Variants in SPHKAP observed in about 807,000 individuals in gnomAD.
SPHKAP encodes the protein A-kinase anchor protein SPHKAP.
Under a neutral mutation model 137.5 loss-of-function variants are expected in SPHKAP, and 67 were observed. The ratio of observed to expected loss-of-function variants is 0.49; its 90% CI spans 0.40 to 0.60. The LOEUF (loss-of-function observed/expected upper bound fraction) is 0.60. Among genes scored for constraint, SPHKAP ranks in the 20% least tolerant of loss-of-function variants. The probability of loss-of-function intolerance (pLI) is 0.00; values close to 1 mark genes in which losing one functional copy is unlikely to be tolerated. For missense variants in SPHKAP, 2,097 were observed against 2,069.3 expected, an observed-to-expected ratio of 1.01 and a Z score of -0.26; for synonymous variants, 813 against 785.3, an observed-to-expected ratio of 1.04 and a Z score of -0.59.
chr2:228,122,386 A>C (rs569795193), intron 2 of SPHKAP, among the ~76,000 whole-genome samples: 1 of 152,290 alleles, frequency 6.6e-6, no homozygotes, highest in South Asian at 2.1e-4. Flanking sequence ...AGCTATAGAG[A>C]ACAGAACAAG....
intron 3 of SPHKAP, among the ~76,000 whole-genome samples, chr2:228,046,960 A>G (rs1407792481): frequency 1.3e-5 from 2 of 152,206 alleles, no homozygotes; most frequent in African/African-American, 2.4e-5. Flanking sequence ...CCCACTTGAA[A>G]GCAGAATAAA....
chr2:228,109,803 T>A (rs1321330562), intron 2 of SPHKAP, among the ~76,000 whole-genome samples: 1 of 151,888 alleles, frequency 6.6e-6, no homozygotes, highest in Admixed American at 6.6e-5. Flanking sequence ...TCGTTTCTAC[T>A]AAACATACAA....
At chr2:228,086,199 T>C (rs551910187) in intron 3 of SPHKAP, among the ~76,000 whole-genome samples, 1 of 152,154 alleles carries the variant, frequency 6.6e-6, no homozygotes, top group Non-Finnish European at 1.5e-5. Context: ...AGTATTATAA[T>C]TATCTAGAAA....
intron 3 of SPHKAP, among the ~76,000 whole-genome samples, chr2:228,098,704 T>C (rs1407653285): frequency 6.6e-6 from 1 of 150,988 alleles, no homozygotes; most frequent in Non-Finnish European, 1.5e-5. Flanking sequence ...ATGGCACATG[T>C]ATACATATGT....
chr2:227,991,076 A>G lies in SPHKAP; in HGVS notation c.4883T>C (p.Leu1628Pro). 6.2e-7 allele frequency: 1 copy of G among 1,614,188 alleles called. No individual in the cohort carries two copies. Among genetic ancestry groups the G allele is most frequent in the South Asian group, 1.1e-5 (1 of 91,088 alleles). The change falls in exon 11 of 12, where the codon CTG (leucine) becomes CCG (proline). Residue 1628 changes from leucine to proline, a missense_variant. Leu to Pro is a moderately conservative substitution (Grantham distance 98, BLOSUM62 -3). Transcript: ENST00000392056. ...ECPDAELRAT[L>P]QWIAASELGI... ...CAGTTCAGAGGCAGCTATCCACTGC[A>G]GAGTGGCTCGGAGCTCGGCATCTGG... is the stretch of plus-strand genomic sequence containing the variant.
At chr2:228,035,116 G>C (rs1175737649) in intron 3 of SPHKAP, among the ~76,000 whole-genome samples, 8 of 147,290 alleles carry the variant, frequency 5.4e-5, no homozygotes, top group East Asian at 2.0e-4. Flanking sequence ...TGACATGATT[G>C]TATATCTAGA....
chr2:227,983,776 G>A (rs1440763537), intron 11 of SPHKAP, among the ~76,000 whole-genome samples: 1 of 152,204 alleles, frequency 6.6e-6, no homozygotes, highest in Non-Finnish European at 1.5e-5. Flanking sequence ...TACTGCAGGA[G>A]TGCTCCTTGA....
In SPHKAP at chr2:228,018,035, A is replaced by G; in HGVS notation, c.2819T>C (p.Met940Thr). 6.2e-7 allele frequency: 1 copy of G among 1,614,166 alleles called. No individual in the cohort carries two copies. The change falls in exon 7 of 12, where the codon ATG becomes ACG. Residue 940 changes from methionine to threonine, a missense_variant. Physicochemically the swap from Met to Thr is moderately conservative, Grantham distance 81. Transcript: ENST00000392056. Reference protein sequence around the residue: ...AEELADTVVSMATEIAAICLD... With the variant: ...AEELADTVVSTATEIAAICLD... ...GCAAATCGCTGCAATTTCAGTTGCC[A>G]TGGAGACGACCGTGTCTGCTAATTC...
At chr2:228,154,506 CTCTCTCTATA>C (rs1358094045) in intron 1 of SPHKAP, among the ~76,000 whole-genome samples, 1 of 29,904 alleles carries the variant, frequency 3.3e-5, no homozygotes, top group Non-Finnish European at 6.2e-5. Flanking sequence ...CTCTCTCTCT[CTCTCTCTATA>C]TATATATATA....
At chr2:228,141,280 C>A (rs1251716519) in intron 1 of SPHKAP, among the ~76,000 whole-genome samples, 1 of 152,158 alleles carries the variant, frequency 6.6e-6, no homozygotes, top group African/African-American at 2.4e-5. Context: ...GTTTTCTCAT[C>A]TGTAAAATGC....
chr2:228,181,442 C>A lies in SPHKAP; in HGVS notation c.32+125G>T. On this transcript the variant is annotated intron_variant, in intron 1 of 11. Transcript: ENST00000392056. The surrounding 1 kb of genome is among the most constrained non-coding windows in gnomAD (Gnocchi z 4.3). ...CCGGACTTATTTACAAGTGCAGTGA[C>A]CCCTGTCTCCTCGCTGGGAGCCCCG... 7.6e-7 allele frequency: 1 copy of A among 1,320,910 alleles called. No homozygotes were observed. Among genetic ancestry groups the A allele is most frequent in the Non-Finnish European group, 1.1e-6 (1 of 915,472 alleles). 81.8% of individuals were successfully genotyped at this position (1,320,910 alleles called of 1,614,324 possible).
At chr2:228,092,229 AC>A (rs2106327499) in intron 3 of SPHKAP, among the ~76,000 whole-genome samples, 1 of 147,488 alleles carries the variant, frequency 6.8e-6, no homozygotes, top group South Asian at 2.1e-4. Flanking sequence ...ACATATATAC[AC>A]ACATGTATAC....
intron 7 of SPHKAP, among the ~76,000 whole-genome samples, chr2:228,002,140 G>T (rs1054781056): frequency 1.1e-4 from 17 of 152,054 alleles, no homozygotes; most frequent in African/African-American, 3.6e-4. Flanking sequence ...CTGAGGAATC[G>T]CCACACTGAC....
intron 2 of SPHKAP, among the ~76,000 whole-genome samples, chr2:228,115,795 A>G (rs541289492): frequency 6.6e-6 from 1 of 152,210 alleles, no homozygotes; most frequent in Admixed American, 6.6e-5. Context: ...GGGGATTGTT[A>G]TGGTCTGAAT....
At chr2:228,168,379 T>C (rs551627940) in intron 1 of SPHKAP, among the ~76,000 whole-genome samples, 24 of 152,184 alleles carry the variant, frequency 1.6e-4, no homozygotes, top group Non-Finnish European at 3.4e-4. Context: ...AGTAATCCTA[T>C]TGGCATCATT....
At position 227,991,105 on chromosome 2, in the gene SPHKAP, C is replaced by T; in HGVS notation, c.4854G>A (p.Glu1618=). Residue 1618 remains glutamate (E), a synonymous_variant, in exon 11 of 12, where the codon GAG becomes GAA. Transcript: ENST00000392056. ...TGGCTCGGAGCTCGGCATCTGGACACTCTGGCTCCAGGTCAAAGTTGATCA... is the reference window on the plus strand; with the variant it reads ...TGGCTCGGAGCTCGGCATCTGGACATTCTGGCTCCAGGTCAAAGTTGATCA... ...LLVINFDLEP[E]CPDAELRATL... is the part of the protein sequence containing the mutation. 6.2e-7 allele frequency: 1 copy of T among 1,614,130 alleles called. No homozygotes were observed. Among genetic ancestry groups the T allele is most frequent in the Non-Finnish European group, 8.5e-7 (1 of 1,180,018 alleles).
At chr2:228,034,562 A>G (rs1371742419) in intron 3 of SPHKAP, among the ~76,000 whole-genome samples, 1 of 152,138 alleles carries the variant, frequency 6.6e-6, no homozygotes, top group Non-Finnish European at 1.5e-5. Context: ...CCAAAGCCTG[A>G]CAGAGATACA....
intron 3 of SPHKAP, among the ~76,000 whole-genome samples, chr2:228,077,363 T>C (rs540265328): frequency 2.6e-5 from 4 of 152,258 alleles, no homozygotes; most frequent in African/African-American, 9.6e-5. Flanking sequence ...AGACACTCAA[T>C]GCCAGCCCAT....
intron 3 of SPHKAP, among the ~76,000 whole-genome samples, chr2:228,075,293 T>G (rs1697143339): frequency 6.6e-6 from 1 of 152,192 alleles, no homozygotes. Context: ...TCAAAATGAG[T>G]AACACCTTAG....
Sources: allele counts gnomAD v4.1 joint callset (sites outside exome capture counted in the v4.1 genomes callset), GRCh38; gene constraint gnomAD v4.1.1; non-coding constraint Gnocchi (gnomAD v3.1); transcripts MANE v1.5; gene names NCBI Gene and HGNC (gene_info 2026-07-23, HGNC 2026-07-21).